Variants in LYRM4 observed in about 807,000 individuals in gnomAD.
LYRM4 encodes LYR motif containing 4, also known as LYR motif-containing protein 4.
In LYRM4, 9 loss-of-function variants were observed where a neutral mutation model predicts 11.7. That is an observed-to-expected ratio of 0.77 (90% CI 0.46 to 1.34). The LOEUF (loss-of-function observed/expected upper bound fraction) is 1.34. LYRM4 is among the 40% of genes most tolerant of loss of function. The pLI is 0.00. For missense variants in LYRM4, 133 were observed against 112.5 expected (o/e 1.18, Z -0.82); for synonymous variants, 42 against 40.4 (o/e 1.04, Z -0.15).
intron 2 of LYRM4, among the ~76,000 whole-genome samples, chr6:5,138,210 G>A (rs187315480): frequency 2.0e-5 from 3 of 152,252 alleles, no homozygotes; most frequent in Admixed American, 2.0e-4. Context: ...AAGGCCAGGT[G>A]TGGTAGTGCA....
chr6:5,212,806 T>A (rs528783076), intron 2 of LYRM4, among the ~76,000 whole-genome samples: 1 of 152,140 alleles, frequency 6.6e-6, no homozygotes, highest in Non-Finnish European at 1.5e-5. Flanking sequence ...GGTCCAAGAA[T>A]GTTAAGGAAA....
chr6:5,172,381 C>T (rs1371971894), intron 2 of LYRM4, among the ~76,000 whole-genome samples: 5 of 152,102 alleles, frequency 3.3e-5, no homozygotes, highest in African/African-American at 7.2e-5. Context: ...CAAATACTTT[C>T]GAGGGAGAGG....
chr6:5,100,852 C>A (rs1267561709), downstream of LYRM4, among the ~76,000 whole-genome samples: 1 of 151,612 alleles, frequency 6.6e-6, no homozygotes, highest in Non-Finnish European at 1.5e-5. Context: ...CTTTGCTTCG[C>A]CCCCATCCTT....
At chr6:5,120,802 A>C (rs919086134) in intron 2 of LYRM4, among the ~76,000 whole-genome samples, 18 of 152,294 alleles carry the variant, frequency 1.2e-4, no homozygotes, top group Admixed American at 1.2e-3. Flanking sequence ...AGCTAGCTAC[A>C]GAGTGCCGAT....
chr6:5,067,421 C>T, the LYRM4 span, among the ~76,000 whole-genome samples: 7 of 152,300 alleles, frequency 4.6e-5, no homozygotes, highest in East Asian at 3.9e-4. Context: ...GTCTTAAATC[C>T]GCTTCCAAGG....
chr6:5,121,577 A>C (rs1317323194), intron 2 of LYRM4, among the ~76,000 whole-genome samples: 1 of 152,102 alleles, frequency 6.6e-6, no homozygotes, highest in Non-Finnish European at 1.5e-5. Context: ...CAAACAGCAC[A>C]CCACGTTACA....
chr6:5,168,986 G>A (rs573013594), intron 2 of LYRM4, among the ~76,000 whole-genome samples: 2 of 152,108 alleles, frequency 1.3e-5, no homozygotes, highest in Non-Finnish European at 2.9e-5. Context: ...GGTGAACTGG[G>A]GAAGGTATAT....
At chr6:5,143,367 G>A (rs1170878048) in intron 2 of LYRM4, among the ~76,000 whole-genome samples, 1 of 152,218 alleles carries the variant, frequency 6.6e-6, no homozygotes, top group Non-Finnish European at 1.5e-5. Context: ...GTGAGTCTGT[G>A]CTTATACATG....
At chr6:5,254,189 C>G (rs1278436668) in intron 1 of LYRM4, among the ~76,000 whole-genome samples, 1 of 152,186 alleles carries the variant, frequency 6.6e-6, no homozygotes, top group Non-Finnish European at 1.5e-5. Context: ...CCATAATGAC[C>G]CTTGACTGCA....
At chr6:5,235,375 G>A (rs554233771) in intron 1 of LYRM4, among the ~76,000 whole-genome samples, 5 of 152,228 alleles carry the variant, frequency 3.3e-5, no homozygotes, top group African/African-American at 9.6e-5. Context: ...CCCACAAGCC[G>A]ATTTCTATTC....
At chr6:5,202,603 A>C (rs1477912673) in intron 2 of LYRM4, among the ~76,000 whole-genome samples, 3 of 152,198 alleles carry the variant, frequency 2.0e-5, no homozygotes, top group African/African-American at 7.2e-5. Context: ...AGGCCTTTCC[A>C]AAGTGGTTTT....
intron 2 of LYRM4, among the ~76,000 whole-genome samples, chr6:5,124,894 C>T (rs943137425): frequency 6.6e-6 from 1 of 152,226 alleles, no homozygotes; most frequent in African/African-American, 2.4e-5. Context: ...CCAGCACCAG[C>T]CACACTGGGT....
At chr6:5,086,554 G>C in the LYRM4 span, 1 of 1,522,186 alleles carries the variant, frequency 6.6e-7, no homozygotes, top group Non-Finnish European at 8.8e-7. Flanking sequence ...CCCTGCGGAC[G>C]CGCTCTGAGC....
the LYRM4 span, among the ~76,000 whole-genome samples, chr6:5,082,743 T>C: frequency 6.6e-6 from 1 of 152,230 alleles, no homozygotes; most frequent in Admixed American, 6.5e-5. Flanking sequence ...TCAAAACCTT[T>C]TGACGGCCTC....
chr6:5,127,698 A>G (rs1327652491), intron 2 of LYRM4, among the ~76,000 whole-genome samples: 1 of 152,234 alleles, frequency 6.6e-6, no homozygotes, highest in East Asian at 1.9e-4. Context: ...TTGTTATTAG[A>G]ATTAATTTTG....
chr6:5,216,791 T>G, intron 1 of LYRM4, 53 bp from the exon 2 acceptor site: 1 of 1,566,520 alleles, frequency 6.4e-7, no homozygotes. Context: ...TCTGAGGCTA[T>G]GCTTTCAAAT....
intron 2 of LYRM4, among the ~76,000 whole-genome samples, chr6:5,145,921 C>T (rs1757694957): frequency 2.0e-5 from 3 of 152,194 alleles, no homozygotes; most frequent in Admixed American, 2.0e-4. Flanking sequence ...GCTCTCTCTT[C>T]CCTCAGCCGT....
intron 1 of LYRM4, among the ~76,000 whole-genome samples, chr6:5,221,975 T>C (rs1459170429): frequency 1.3e-5 from 2 of 152,346 alleles, no homozygotes; most frequent in Non-Finnish European, 2.9e-5. Flanking sequence ...CTTGGGGTTA[T>C]GGTGTGTGTA....
At chr6:5,163,679 T>C (rs960010161) in intron 2 of LYRM4, among the ~76,000 whole-genome samples, 3 of 151,080 alleles carry the variant, frequency 2.0e-5, no homozygotes, top group Non-Finnish European at 4.4e-5. Flanking sequence ...AGTGGCACGA[T>C]CTTGGCTCAC....
Sources: gnomAD v4.1 joint callset for allele counts (sites outside exome capture counted in the v4.1 genomes callset) on GRCh38, gnomAD v4.1.1 for gene constraint, MANE v1.5 for transcripts, NCBI Gene and HGNC (gene_info 2026-07-23, HGNC 2026-07-21) for gene names.